C12orf56: variants seen among roughly 807,000 people sequenced by gnomAD.
C12orf56 encodes the protein uncharacterized protein C12orf56.
In C12orf56, 71 loss-of-function variants were observed where a neutral mutation model predicts 69.9. The ratio of observed to expected loss-of-function variants is 1.02; its 90% CI spans 0.84 to 1.24. The LOEUF is 1.24. Ranked by LOEUF, C12orf56 falls within the 50% of genes most tolerant of loss-of-function variation. C12orf56 has a pLI of 0.00. For synonymous variants in C12orf56, 276 were observed against 274.1 expected (o/e 1.01, Z -0.07); for missense variants, 732 against 738.5 (o/e 0.99, Z 0.10).
chr12:64,374,977 A>G (rs2039622009), intron 1 of C12orf56, among the ~76,000 whole-genome samples: 1 of 152,144 alleles, frequency 6.6e-6, no homozygotes, highest in South Asian at 2.1e-4. Context: ...TCTTAAATAA[A>G]TGTGGTTATG....
At chr12:64,372,207 AG>A (rs2039581557) in intron 1 of C12orf56, among the ~76,000 whole-genome samples, 1 of 152,184 alleles carries the variant, frequency 6.6e-6, no homozygotes, top group Non-Finnish European at 1.5e-5. Flanking sequence ...TGAGGCATGG[AG>A]GAAGTTAAGG....
intron 5 of C12orf56, among the ~76,000 whole-genome samples, chr12:64,307,348 G>T (rs991200440): frequency 2.7e-5 from 4 of 146,922 alleles, no homozygotes; most frequent in Admixed American, 6.8e-5. Flanking sequence ...AACATTCTTT[G>T]GTATTGCTGA....
At chr12:64,281,063 C>T (rs369331090) in intron 8 of C12orf56, among the ~76,000 whole-genome samples, 13 of 151,726 alleles carry the variant, frequency 8.6e-5, no homozygotes, top group Non-Finnish European at 1.6e-4. Context: ...CACCTGAGGA[C>T]AGGAGTTCAA....
chr12:64,332,981 A>G (rs1407401898), intron 2 of C12orf56, among the ~76,000 whole-genome samples: 3 of 152,254 alleles, frequency 2.0e-5, no homozygotes, highest in Admixed American at 6.5e-5. Flanking sequence ...TTGGAATTTA[A>G]GAAACTTTAA....
intron 1 of C12orf56, among the ~76,000 whole-genome samples, chr12:64,382,808 G>A (rs2039736990): frequency 6.6e-6 from 1 of 150,488 alleles, no homozygotes; most frequent in South Asian, 2.1e-4. Context: ...GGGAGGCGGA[G>A]TGCAGTTAGC....
chr12:64,267,164 T>G lies in C12orf56; in HGVS notation c.*19A>C. ...TTAACATTTTATACTCTTATTAACA[T>G]TGCGTACATTGTTTGTTTCTATTCA... On this transcript the variant is annotated 3_prime_UTR_variant, in exon 13 of 13. Coordinates refer to ENST00000543942, the MANE Select transcript of C12orf56 (RefSeq NM_001170633.2). 1 of 1,501,688 alleles carries G rather than the reference T, an allele frequency of 6.7e-7. No homozygotes were observed. Among genetic ancestry groups the G allele is most frequent in the Admixed American group, 1.8e-5 (1 of 54,264 alleles). 93.0% of individuals were successfully genotyped at this position (1,501,688 alleles called of 1,614,324 possible).
At chr12:64,389,427 A>G (rs879696899) in intron 1 of C12orf56, 3 of 152,122 alleles carry the variant, frequency 2.0e-5, no homozygotes, top group Non-Finnish European at 4.4e-5. Flanking sequence ...GAGCCGCCTG[A>G]GATTGCCAAG....
rs576412923 is a variant in C12orf56, at chr12:64,320,067, G to A, written c.489-1087C>T. 9.2e-5 allele frequency among the ~76,000 whole-genome samples: 14 copies of A among 152,316 alleles called. No individual in the cohort carries two copies. The East Asian group carries it at 1.3e-3, about 15-fold the overall frequency. On this transcript the variant is annotated intron_variant, in intron 3 of 12. Transcript: ENST00000543942. ...CTGATCCAGTGAGACGCCCAGTGCC[G>A]CTCCCGAACGGGCTAAAGGCTTGCC...
chr12:64,365,349 TA>T (rs1354537111), intron 1 of C12orf56, among the ~76,000 whole-genome samples: 2 of 151,898 alleles, frequency 1.3e-5, no homozygotes, highest in Non-Finnish European at 1.5e-5. Context: ...GTATTTTTAG[TA>T]GAGATGGGGT....
intron 9 of C12orf56, among the ~76,000 whole-genome samples, chr12:64,276,010 C>CG (rs368918180): frequency 6.6e-6 from 1 of 150,610 alleles, no homozygotes; most frequent in East Asian, 2.0e-4. Flanking sequence ...CACCCCCCCC[C>CG]GCGAGTTGAG....
At chr12:64,387,077 C>CAACAGAAAAAA (rs1201123599) in intron 1 of C12orf56, among the ~76,000 whole-genome samples, 1 of 42,086 alleles carries the variant, frequency 2.4e-5, no homozygotes, top group African/African-American at 1.1e-4. Flanking sequence ...GACTCTATCT[C>CAACAGAAAAAA]AAAAAAAAAA....
intron 3 of C12orf56, among the ~76,000 whole-genome samples, chr12:64,324,038 G>A (rs540560151): frequency 1.3e-5 from 2 of 152,214 alleles, no homozygotes; most frequent in East Asian, 1.9e-4. Flanking sequence ...CCTCCCCGCA[G>A]AAGCTCATAA....
chr12:64,274,641 A>G (rs773403035), intron 11 of C12orf56, among the ~76,000 whole-genome samples: 1 of 152,234 alleles, frequency 6.6e-6, no homozygotes, highest in Non-Finnish European at 1.5e-5. Context: ...ATAATTTAAT[A>G]TTCTGTTTTC....
At chr12:64,316,904 C>T (rs986396226) in intron 4 of C12orf56, among the ~76,000 whole-genome samples, 19 of 152,214 alleles carry the variant, frequency 1.2e-4, no homozygotes, top group Admixed American at 4.6e-4. Flanking sequence ...GTAATGAGTC[C>T]GCCAATCTGA....
At chr12:64,346,875 C>T (rs775533669) in intron 2 of C12orf56, among the ~76,000 whole-genome samples, 38 of 152,182 alleles carry the variant, frequency 2.5e-4, no homozygotes, top group Non-Finnish European at 5.1e-4. Context: ...AGGACCACTG[C>T]ACTCCAGTCT....
chr12:64,365,053 A>C (rs1183243754), intron 1 of C12orf56, among the ~76,000 whole-genome samples: 1 of 152,158 alleles, frequency 6.6e-6, no homozygotes, highest in Non-Finnish European at 1.5e-5. Flanking sequence ...TGTCACATAG[A>C]ATATAAGAAC....
chr12:64,304,414 C>A (rs1244050700), intron 5 of C12orf56, among the ~76,000 whole-genome samples: 1 of 152,140 alleles, frequency 6.6e-6, no homozygotes, highest in Non-Finnish European at 1.5e-5. Flanking sequence ...CACCTGGAAT[C>A]ATCTCCCATT....
chr12:64,348,259 C>A (rs1459362045), intron 2 of C12orf56, among the ~76,000 whole-genome samples: 1 of 151,848 alleles, frequency 6.6e-6, no homozygotes, highest in Non-Finnish European at 1.5e-5. Context: ...GCCTAGGCAA[C>A]AGAGCAAGAC....
At chr12:64,322,304 C>A (rs1333962890) in intron 3 of C12orf56, among the ~76,000 whole-genome samples, 1 of 152,046 alleles carries the variant, frequency 6.6e-6, no homozygotes, top group East Asian at 1.9e-4. Context: ...ATTCATCTAT[C>A]TTCAAATTCA....
Sources: gnomAD v4.1 joint callset for allele counts (sites outside exome capture counted in the v4.1 genomes callset) on GRCh38, gnomAD v4.1.1 for gene constraint, MANE v1.5 for transcripts, NCBI Gene and HGNC (gene_info 2026-07-23, HGNC 2026-07-21) for gene names.